NUP205: variants seen among roughly 807,000 people sequenced by gnomAD.
NUP205 encodes nucleoporin 205.
NUP205 carries 76 observed loss-of-function variants against 253.8 expected under a neutral mutation model. The ratio of observed to expected loss-of-function variants is 0.30; its 90% CI spans 0.25 to 0.36. NUP205 has a LOEUF of 0.36. Ranked by LOEUF, NUP205 falls within the 10% of genes least tolerant of loss-of-function variation. NUP205 has a pLI of 1.00. For missense variants in NUP205, 2,162 were observed against 2,425.5 expected (o/e 0.89, Z 2.28); for synonymous variants, 832 against 850.1 (o/e 0.98, Z 0.37).
intron 1 of NUP205, among the ~76,000 whole-genome samples, chr7:135,569,432 T>C (rs1805881830): frequency 6.6e-6 from 1 of 152,188 alleles, no homozygotes; most frequent in East Asian, 1.9e-4. Flanking sequence ...TTAAGTATTA[T>C]GTATTATAGT....
At chr7:135,558,138 CGCGTCGGTGCT>C in intron 1 of NUP205, 166 bp downstream of exon 1, 5 of 664,144 alleles carry the variant, frequency 7.5e-6, no homozygotes. Context: ...TTGAATGGCG[CGCGTCGGTGCT>C]GCGGCTCCAG....
Position 135,601,521 on chromosome 7 carries a change from A to G in NUP205, c.2512+14A>G, listed in dbSNP as rs1793964957. The G allele has an allele frequency of 6.2e-7, 1 of 1,603,026 alleles. No individual in the cohort carries two copies. The highest frequency in any genetic ancestry group is 1.3e-5 in the African/African-American group (1 of 74,298). Reference sequence around the variant, plus strand: ...CCCCCTTTCCTGGTATATGCTTAAAAGCCTTCATGTCTTGCAAACAGCTTT... The same window carrying G: ...CCCCCTTTCCTGGTATATGCTTAAAGGCCTTCATGTCTTGCAAACAGCTTT... On this transcript the variant is annotated intron_variant, in intron 17 of 42. Transcript: ENST00000285968.
chr7:135,597,671 A>T (rs1031921950), intron 14 of NUP205: 1 of 448,592 alleles, frequency 2.2e-6, no homozygotes, highest in African/African-American at 2.0e-5. Flanking sequence ...TTTTAACTCA[A>T]TTTAATTAGA....
chr7:135,627,229 A>C (rs937192226), intron 33 of NUP205, among the ~76,000 whole-genome samples: 5 of 152,194 alleles, frequency 3.3e-5, no homozygotes, highest in African/African-American at 7.2e-5. Flanking sequence ...ATAAACATTA[A>C]CAATAAATAT....
intron 34 of NUP205, among the ~76,000 whole-genome samples, chr7:135,629,771 C>T (rs929914584): frequency 2.0e-5 from 3 of 152,064 alleles, no homozygotes; most frequent in Non-Finnish European, 4.4e-5. Flanking sequence ...AGGTGATACC[C>T]GCCTCAGCCT....
At chr7:135,601,600 A>C (rs1364426403) in intron 17 of NUP205, 93 bp downstream of exon 17, 2 of 1,326,514 alleles carry the variant, frequency 1.5e-6, no homozygotes, top group Non-Finnish European at 2.1e-6. Context: ...CTCTGAAGTC[A>C]TTTTTCACTG....
intron 36 of NUP205, among the ~76,000 whole-genome samples, chr7:135,637,175 C>G (rs1378421600): frequency 6.6e-6 from 1 of 152,154 alleles, no homozygotes; most frequent in East Asian, 1.9e-4. Context: ...AATACCATGT[C>G]TCAGGGAATC....
intron 36 of NUP205, 64 bp from the exon 37 acceptor site, chr7:135,637,863 TTCTA>T: frequency 6.9e-7 from 1 of 1,446,972 alleles, no homozygotes; most frequent in East Asian, 2.3e-5. Context: ...TTTTTCTTGT[TTCTA>T]TCCCTCAAGA....
chr7:135,638,294 T>G lies in NUP205; in HGVS notation c.5265+235T>G, dbSNP rs7800189. Among the ~76,000 whole-genome samples, 32,291 of 151,510 alleles carry G rather than the reference T, an allele frequency of 0.21. 3,526 individuals are homozygous for G. The highest frequency in any genetic ancestry group is 0.31 in the South Asian group (1,498 of 4,784). On this transcript the variant is annotated intron_variant, in intron 37 of 42. Transcript: ENST00000285968. ...CTGGGCATGGTGGCACGTGCCTGTGTGCCCAGCTACTTGGGGTGGCTGAGG... is the reference window on the plus strand; with the variant it reads ...CTGGGCATGGTGGCACGTGCCTGTGGGCCCAGCTACTTGGGGTGGCTGAGG...
chr7:135,594,417 G>C (rs1793771266), intron 12 of NUP205, 130 bp from the exon 13 acceptor site: 1 of 536,892 alleles, frequency 1.9e-6, no homozygotes, highest in African/African-American at 1.9e-5. Context: ...TAAATGATAG[G>C]CTTATTTTTG....
Position 135,635,650 on chromosome 7 carries a change from G to T in NUP205, c.5129G>T (p.Arg1710Ile). The T allele has an allele frequency of 6.4e-7, 1 of 1,566,988 alleles. No homozygotes were observed. The highest frequency in any genetic ancestry group is 1.1e-5 in the South Asian group (1 of 87,844). The change falls in exon 36 of 43, where the codon AGA becomes ATA. Residue 1710 changes from arginine (R) to isoleucine (I), a missense_variant. Around this residue, in one of 5 missense-constraint regions of NUP205, gnomAD observed 1,144 missense variants for 1,280.9 expected, o/e 0.89. Transcript: ENST00000285968. The stretch of plus-strand genomic sequence containing the variant: ...ATGGAGCTACAGGGACATATTGGAA[G>T]ATTCCAGGTAACTGATTCTTATTTC... Reference protein sequence around the residue: ...SLMELQGHIGRFQRQCLGLLS... With the variant: ...SLMELQGHIGIFQRQCLGLLS...
intron 32 of NUP205, among the ~76,000 whole-genome samples, chr7:135,625,619 C>T (rs1242385991): frequency 2.0e-5 from 3 of 152,092 alleles, no homozygotes; most frequent in Non-Finnish European, 2.9e-5. Flanking sequence ...GCCAGTGCTC[C>T]GTGAGGACAG....
chr7:135,597,602 T>C (rs1793873592), intron 14 of NUP205, 184 bp downstream of exon 14: 1 of 480,702 alleles, frequency 2.1e-6, no homozygotes, highest in African/African-American at 2.0e-5. Context: ...CAAAATATTT[T>C]GTGTTTCAGA....
Position 135,579,297 on chromosome 7 carries a change from C to T in NUP205, c.1042+382C>T, listed in dbSNP as rs183568119. ...GCAACCTCTGCCCCCCGGGTTCAAG[C>T]GATTCTCCTGCCTCAGCCTCCCAAG... On this transcript the variant is annotated intron_variant, in intron 7 of 42. Transcript: ENST00000285968. 8.9e-4 allele frequency among the ~76,000 whole-genome samples: 135 copies of T among 151,404 alleles called. 2 individuals are homozygous for T. In the Middle Eastern group the frequency reaches 0.017, roughly 19 times the overall value.
intron 3 of NUP205, among the ~76,000 whole-genome samples, chr7:135,574,088 T>C (rs892338312): frequency 1.7e-4 from 26 of 152,224 alleles, no homozygotes; most frequent in African/African-American, 6.0e-4. Context: ...TTCTCATGTC[T>C]CAGCCTCCCG....
In NUP205 at chr7:135,622,264, A is replaced by T. The variant is rs1384338731; in HGVS notation, c.4331-513A>T. ...ATGATGAAACCCCATCTGTACTAAA[A>T]ATACAAAAATTAGCTGGGCATGGTG... On this transcript the variant is annotated intron_variant, in intron 30 of 42. Coordinates refer to ENST00000285968, the MANE Select transcript of NUP205 (RefSeq NM_015135.3). Among the ~76,000 whole-genome samples the T allele has an allele frequency of 1.6e-4, 25 of 151,654 alleles. 1 individual carries two copies. The highest frequency in any genetic ancestry group is 3.7e-4 in the Non-Finnish European group (25 of 67,866).
chr7:135,567,756 C>T lies in NUP205; in HGVS notation c.29-3349C>T, dbSNP rs183037080. ...ATTTGGGTTTTCTCAACAGTTTACC[C>T]TGTTTACAGTCTTTAATGTTTAGGC... is the stretch of plus-strand genomic sequence containing the variant. On this transcript the variant is annotated intron_variant, in intron 1 of 42. Coordinates refer to ENST00000285968, the MANE Select transcript of NUP205 (RefSeq NM_015135.3). 9.3e-4 allele frequency among the ~76,000 whole-genome samples: 141 copies of T among 152,252 alleles called. 1 individual carries two copies. Among genetic ancestry groups the T allele is most frequent in the African/African-American group, 3.1e-3 (129 of 41,554 alleles).
intron 40 of NUP205, 67 bp downstream of exon 40, chr7:135,645,085 A>G (rs570589241): frequency 5.8e-5 from 91 of 1,569,442 alleles, no homozygotes; most frequent in Admixed American, 1.7e-4. Flanking sequence ...ACTTATTCTC[A>G]TATTATTTGG....
intron 38 of NUP205, among the ~76,000 whole-genome samples, chr7:135,642,843 G>GT (rs1794938507): frequency 1.4e-5 from 2 of 144,896 alleles, no homozygotes; most frequent in Non-Finnish European, 1.5e-5. Context: ...GATGTGGAGG[G>GT]GTGTGTGTGT....
Sources: gnomAD v4.1 joint callset for allele counts (sites outside exome capture counted in the v4.1 genomes callset) on GRCh38, gnomAD v4.1.1 for gene constraint, gnomAD v4.1.1 regional missense constraint, MANE v1.5 for transcripts, NCBI Gene and HGNC (gene_info 2026-07-23, HGNC 2026-07-21) for gene names.